Variants in NALF1 observed in about 807,000 individuals in gnomAD.
The protein encoded by NALF1 is NALCN channel auxiliary factor 1.
NALF1 carries 3 observed loss-of-function variants against 48.4 expected under a neutral mutation model. That is an observed-to-expected ratio of 0.06 (90% confidence interval 0.03 to 0.16). NALF1 has a LOEUF of 0.16. NALF1 is among the 10% of genes least tolerant of loss of function. The pLI is 1.00. For synonymous variants in NALF1, 262 were observed against 245.7 expected (o/e 1.07, Z -0.62); for missense variants, 526 against 571.5 (o/e 0.92, Z 0.81).
rs370325774 is a variant in NALF1 at position 107,769,006 on chromosome 13, G to C, written c.915+96676C>G. 4.6e-5 allele frequency among the ~76,000 whole-genome samples: 7 copies of C among 151,910 alleles called. 1 individual carries two copies. Among genetic ancestry groups the C allele is most frequent in the African/African-American group, 1.7e-4 (7 of 41,432 alleles). ...TACAATGAGATACCATCTCACACCAGTTAGAATGGCAATCATTAAAAAGTC... is the reference window on the plus strand; with the variant it reads ...TACAATGAGATACCATCTCACACCACTTAGAATGGCAATCATTAAAAAGTC... On this transcript the variant is annotated intron_variant, in intron 1 of 2. Coordinates refer to ENST00000375915, the MANE Select transcript of NALF1 (RefSeq NM_001080396.3).
At chr13:107,846,873 C>T (rs1252344336) in intron 1 of NALF1, among the ~76,000 whole-genome samples, 1 of 152,144 alleles carries the variant, frequency 6.6e-6, no homozygotes, top group African/African-American at 2.4e-5. Flanking sequence ...TATATGATTA[C>T]TGCAATGGCC....
At chr13:107,823,043 C>T (rs370543963) in intron 1 of NALF1, among the ~76,000 whole-genome samples, 7 of 152,180 alleles carry the variant, frequency 4.6e-5, no homozygotes, top group Admixed American at 2.6e-4. Flanking sequence ...TGCTTGGACA[C>T]GGCTGACCAT....
In NALF1 at chr13:107,761,163, C is replaced by G. The variant is rs549604202; in HGVS notation, c.915+104519G>C. ...ACGAGGTCAAGAGATTGAGACCATT[C>G]TGGCTAACACGGTGAAACCCCATTT... On this transcript the variant is annotated intron_variant, in intron 1 of 2. Coordinates refer to ENST00000375915, the MANE Select transcript of NALF1 (RefSeq NM_001080396.3). Among the ~76,000 whole-genome samples the G allele has an allele frequency of 2.6e-5, 4 of 152,210 alleles. No homozygotes were observed. The East Asian group carries it at 7.8e-4, about 29-fold the overall frequency.
intron 1 of NALF1, among the ~76,000 whole-genome samples, chr13:107,364,013 TAATCA>T (rs1883109235): frequency 1.3e-5 from 2 of 152,228 alleles, no homozygotes; most frequent in Non-Finnish European, 2.9e-5. Context: ...CTGAACGTTC[TAATCA>T]GTCTATACGT....
chr13:107,218,460 T>C (rs1465442009), intron 1 of NALF1, among the ~76,000 whole-genome samples: 2 of 152,124 alleles, frequency 1.3e-5, no homozygotes, highest in Admixed American at 1.3e-4. Flanking sequence ...TGCCCCGCGA[T>C]TGGTTAGCGT....
intron 1 of NALF1, among the ~76,000 whole-genome samples, chr13:107,613,251 A>G (rs1879288494): frequency 6.6e-6 from 1 of 152,188 alleles, no homozygotes; most frequent in Non-Finnish European, 1.5e-5. Flanking sequence ...GAAGAGGCAG[A>G]CTGTTATATT....
chr13:107,411,501 T>C (rs576571937), intron 1 of NALF1, among the ~76,000 whole-genome samples: 2 of 152,002 alleles, frequency 1.3e-5, no homozygotes, highest in Admixed American at 6.6e-5. Context: ...TGACTTGAAA[T>C]CATGGGTTTA....
intron 1 of NALF1, among the ~76,000 whole-genome samples, chr13:107,560,102 A>G (rs1566393390): frequency 1.3e-5 from 2 of 152,190 alleles, no homozygotes; most frequent in Non-Finnish European, 2.9e-5. Context: ...GGCTAAGAAG[A>G]CAGTCAGGGA....
intron 1 of NALF1, among the ~76,000 whole-genome samples, chr13:107,449,192 T>G (rs1823464195): frequency 6.6e-6 from 1 of 151,960 alleles, no homozygotes; most frequent in Admixed American, 6.6e-5. Context: ...TGCAGTGAGC[T>G]GAGATCATGC....
intron 1 of NALF1, among the ~76,000 whole-genome samples, chr13:107,259,148 C>T (rs1880879698): frequency 1.3e-5 from 2 of 152,140 alleles, no homozygotes; most frequent in African/African-American, 2.4e-5. Context: ...TGCTTCTGAG[C>T]TGCTCCTGGC....
chr13:107,753,969 C>T (rs1877012737), intron 1 of NALF1, among the ~76,000 whole-genome samples: 1 of 152,068 alleles, frequency 6.6e-6, no homozygotes, highest in African/African-American at 2.4e-5. Flanking sequence ...AATTCCCATC[C>T]ACGTGCTAAA....
At chr13:107,844,389 G>A (rs1306624870) in intron 1 of NALF1, among the ~76,000 whole-genome samples, 1 of 152,096 alleles carries the variant, frequency 6.6e-6, no homozygotes, top group Non-Finnish European at 1.5e-5. Flanking sequence ...ATAAGAATTT[G>A]AAAATTCATT....
At chr13:107,797,901 T>C (rs891745444) in intron 1 of NALF1, among the ~76,000 whole-genome samples, 1 of 152,224 alleles carries the variant, frequency 6.6e-6, no homozygotes, top group Non-Finnish European at 1.5e-5. Flanking sequence ...ATGGAACTAA[T>C]GAAATGCATT....
chr13:107,855,898 C>T (rs1447924967), intron 1 of NALF1, among the ~76,000 whole-genome samples: 1 of 151,840 alleles, frequency 6.6e-6, no homozygotes, highest in Non-Finnish European at 1.5e-5. Context: ...AAGTGGAATT[C>T]CCTAAGAGCG....
At chr13:107,812,155 A>G (rs938539957) in intron 1 of NALF1, among the ~76,000 whole-genome samples, 1 of 152,176 alleles carries the variant, frequency 6.6e-6, no homozygotes, top group Non-Finnish European at 1.5e-5. Flanking sequence ...CTAAAGCTTC[A>G]TTCATTTCAC....
chr13:107,773,716 C>A (rs913555651), intron 1 of NALF1, among the ~76,000 whole-genome samples: 13 of 64,464 alleles, frequency 2.0e-4, no homozygotes, highest in African/African-American at 8.7e-4. Flanking sequence ...ACATCGCACA[C>A]CAGGGACTGT....
At chr13:107,800,612 T>C (rs1444560987) in intron 1 of NALF1, among the ~76,000 whole-genome samples, 1 of 146,748 alleles carries the variant, frequency 6.8e-6, no homozygotes, top group Non-Finnish European at 1.5e-5. Context: ...TGTAATATAA[T>C]ATATATATTA....
At position 107,169,523 on chromosome 13, in the gene NALF1, T is replaced by G. The variant is rs1030896784; in HGVS notation, c.*974A>C. 1.1e-4 allele frequency: 16 copies of G among 152,154 alleles called. No homozygotes were observed. Among genetic ancestry groups the G allele is most frequent in the Non-Finnish European group, 2.2e-4 (15 of 68,030 alleles). The allele number at this position is 152,154 out of a possible 1,614,324, so 9.4% of individuals were successfully genotyped here. A position where few individuals can be genotyped will look rare whatever the true frequency, so the allele number is the denominator to read the frequency against. On this transcript the variant is annotated 3_prime_UTR_variant, in exon 3 of 3. Coordinates refer to ENST00000375915, the MANE Select transcript of NALF1 (RefSeq NM_001080396.3). ...CCACCTTCATTGTCAAAAGAAAAAC[T>G]TCCTCACTCCCCGCATCCTGATTCT...
At chr13:107,289,676 C>T (rs901777574) in intron 1 of NALF1, among the ~76,000 whole-genome samples, 1 of 152,066 alleles carries the variant, frequency 6.6e-6, no homozygotes, top group African/African-American at 2.4e-5. Flanking sequence ...TCTGAGTGTA[C>T]ACATGAAATC....
Sources: allele counts gnomAD v4.1 joint callset (sites outside exome capture counted in the v4.1 genomes callset), GRCh38; gene constraint gnomAD v4.1.1; transcripts MANE v1.5; gene names NCBI Gene and HGNC (gene_info 2026-07-23, HGNC 2026-07-21).